The following MITF variants were observed in gnomAD, a reference collection of about 807,000 sequenced individuals.
MITF encodes the protein microphthalmia-associated transcription factor.
MITF carries 17 observed loss-of-function variants against 60.5 expected under a neutral mutation model. The observed-to-expected ratio is 0.28, with a 90% CI of 0.19 to 0.42. MITF has a LOEUF of 0.42. Ranked by LOEUF, MITF falls within the 10% of genes least tolerant of loss-of-function variation. The pLI is 1.00. For missense variants in MITF, 622 were observed against 683.5 expected (o/e 0.91, Z 1.00); for synonymous variants, 260 against 248.5 (o/e 1.05, Z -0.43).
rs1387879579 is a variant in MITF at position 69,755,440 on chromosome 3, T to G, written c.104+15739T>G. ...TATCTTTTACCCTTCTGGGTTTTTTTTTTTTTTTTTTTTTTTTTTTTTTTT... is the reference window on the plus strand; with the variant it reads ...TATCTTTTACCCTTCTGGGTTTTTTGTTTTTTTTTTTTTTTTTTTTTTTTT... On this transcript the variant is annotated intron_variant, in intron 1 of 9. Transcript: ENST00000352241. 6.6e-4 allele frequency among the ~76,000 whole-genome samples: 27 copies of G among 41,004 alleles called. 1 individual carries two copies. The highest frequency in any genetic ancestry group is 1.3e-3 in the East Asian group (2 of 1,600). 26.9% of individuals were successfully genotyped at this position (41,004 alleles called of 152,430 possible).
At chr3:69,907,258 G>C (rs542467075) in intron 2 of MITF, among the ~76,000 whole-genome samples, 4 of 152,254 alleles carry the variant, frequency 2.6e-5, no homozygotes, top group Admixed American at 2.0e-4. Flanking sequence ...AAACTTTCCT[G>C]TCTATGATTT....
intron 1 of MITF, among the ~76,000 whole-genome samples, chr3:69,824,428 C>T (rs955011578): frequency 1.3e-5 from 2 of 152,144 alleles, no homozygotes; most frequent in Non-Finnish European, 2.9e-5. Flanking sequence ...CAATTTATTG[C>T]CTCTCAGGTC....
intron 1 of MITF, among the ~76,000 whole-genome samples, chr3:69,861,936 T>C (rs2064023906): frequency 1.3e-5 from 2 of 152,158 alleles, no homozygotes; most frequent in Admixed American, 1.3e-4. Flanking sequence ...ACATGGATAT[T>C]TTAAAGAATT....
intron 1 of MITF, among the ~76,000 whole-genome samples, chr3:69,834,364 C>G (rs2063505020): frequency 6.6e-6 from 1 of 152,142 alleles, no homozygotes; most frequent in Non-Finnish European, 1.5e-5. Flanking sequence ...CTGTTTTCTA[C>G]TTTTATGATG....
intron 2 of MITF, among the ~76,000 whole-genome samples, chr3:69,905,216 G>C: frequency 6.6e-6 from 1 of 152,168 alleles, no homozygotes; most frequent in Non-Finnish European, 1.5e-5. Context: ...AAAAAATATG[G>C]ATTCATACCT....
intron 2 of MITF, among the ~76,000 whole-genome samples, chr3:69,894,451 C>T (rs1300218603): frequency 2.0e-5 from 3 of 152,090 alleles, no homozygotes; most frequent in East Asian, 1.9e-4. Flanking sequence ...TTTGGGAGGC[C>T]GAGGTGGGTG....
In MITF at chr3:69,744,414, G is replaced by A. The variant is rs566099561; in HGVS notation, c.104+4713G>A. ...AGATGAAGAGCCTTGTTCTGCCATC[G>A]ATGTCTGTCCCTAACTAACTGGGTG... On this transcript the variant is annotated intron_variant, in intron 1 of 9. Transcript: ENST00000352241. 1.1e-4 allele frequency among the ~76,000 whole-genome samples: 16 copies of A among 152,066 alleles called. No individual in the cohort carries two copies. The South Asian group carries it at 3.1e-3, about 30-fold the overall frequency.
intron 1 of MITF, among the ~76,000 whole-genome samples, chr3:69,804,759 C>T (rs1243927499): frequency 6.6e-6 from 1 of 152,230 alleles, no homozygotes; most frequent in African/African-American, 2.4e-5. Context: ...CAGAGACCAT[C>T]TTCAGTGAGG....
chr3:69,930,562 C>T (rs931751882), intron 2 of MITF, among the ~76,000 whole-genome samples: 1 of 152,306 alleles, frequency 6.6e-6, no homozygotes, highest in Non-Finnish European at 1.5e-5. Flanking sequence ...CTTACCTAAA[C>T]ACACTGTGTA....
intron 2 of MITF, among the ~76,000 whole-genome samples, chr3:69,931,485 G>C (rs12107208): frequency 0.015 from 2,259 of 152,236 alleles, 25 homozygotes; most frequent in Middle Eastern, 0.051. Flanking sequence ...TAAGCATACT[G>C]TTTTATAGGT....
intron 2 of MITF, among the ~76,000 whole-genome samples, chr3:69,933,975 A>G (rs1392697852): frequency 6.6e-6 from 1 of 152,202 alleles, no homozygotes; most frequent in Non-Finnish European, 1.5e-5. Flanking sequence ...GAGCCTCATA[A>G]TAATGCTATG....
At chr3:69,815,652 G>A (rs903489189) in intron 1 of MITF, among the ~76,000 whole-genome samples, 8 of 152,144 alleles carry the variant, frequency 5.3e-5, no homozygotes, top group South Asian at 2.1e-4. Flanking sequence ...GCTATTCCCC[G>A]TTGAGTAAGT....
intron 1 of MITF, among the ~76,000 whole-genome samples, chr3:69,801,918 A>G (rs1421932347): frequency 1.3e-5 from 2 of 152,140 alleles, no homozygotes; most frequent in African/African-American, 2.4e-5. Context: ...ATTGGAGGGA[A>G]TCAAGTGATT....
chr3:69,948,082 G>A (rs2066144793), intron 5 of MITF, among the ~76,000 whole-genome samples: 1 of 152,066 alleles, frequency 6.6e-6, no homozygotes, highest in African/African-American at 2.4e-5. Context: ...AGGGCTAAAC[G>A]ACTTAAAGTC....
intron 2 of MITF, among the ~76,000 whole-genome samples, chr3:69,900,059 A>T (rs1272394425): frequency 1.3e-5 from 2 of 152,152 alleles, no homozygotes; most frequent in African/African-American, 4.8e-5. Context: ...ACCTCTTAAT[A>T]TTCAAAGAAG....
chr3:69,822,230 A>G (rs1233422537), intron 1 of MITF, among the ~76,000 whole-genome samples: 3 of 152,156 alleles, frequency 2.0e-5, no homozygotes, highest in African/African-American at 7.2e-5. Context: ...CCAGCCGTTT[A>G]ATGTTGAAAA....
At chr3:69,939,299 T>A (rs1422963636) in intron 4 of MITF, 118 bp downstream of exon 4, 24 of 887,988 alleles carry the variant, frequency 2.7e-5, no homozygotes, top group Admixed American at 7.1e-5. Flanking sequence ...TTTTTTTTTT[T>A]TATAGAGAAA....
chr3:69,830,018 G>T (rs941160409), intron 1 of MITF, among the ~76,000 whole-genome samples: 4 of 152,062 alleles, frequency 2.6e-5, no homozygotes, highest in Admixed American at 2.6e-4. Context: ...CTTTGGTTCA[G>T]CAGGAGGGAC....
chr3:69,926,370 C>A (rs1363625979), intron 2 of MITF, among the ~76,000 whole-genome samples: 2 of 152,310 alleles, frequency 1.3e-5, no homozygotes, highest in Admixed American at 1.3e-4. Context: ...CAGTAGCATT[C>A]AGCAGCTCTC....
Sources: gnomAD v4.1 joint callset for allele counts (sites outside exome capture counted in the v4.1 genomes callset) on GRCh38, gnomAD v4.1.1 for gene constraint, MANE v1.5 for transcripts, NCBI Gene and HGNC (gene_info 2026-07-23, HGNC 2026-07-21) for gene names.